The following PPM1B variants were observed in gnomAD, a reference collection of about 807,000 sequenced individuals.
The protein encoded by PPM1B is protein phosphatase 1B.
PPM1B carries 22 observed loss-of-function variants against 43.0 expected under a neutral mutation model. The observed-to-expected ratio is 0.51, with a 90% CI of 0.37 to 0.73. The LOEUF (loss-of-function observed/expected upper bound fraction) is 0.73, where lower values mean the gene tolerates loss of function less well. Ranked by LOEUF, PPM1B falls within the 30% of genes least tolerant of loss-of-function variation. The pLI, the probability that PPM1B is intolerant of heterozygous loss-of-function variation, is 0.00. For synonymous variants in PPM1B, 217 were observed against 197.9 expected (o/e 1.10, Z -0.81); for missense variants, 632 against 584.2 (o/e 1.08, Z -0.84).
At chr2:44,207,438 A>G in intron 2 of PPM1B, among the ~76,000 whole-genome samples, 1 of 152,340 alleles carries the variant, frequency 6.6e-6, no homozygotes, top group Middle Eastern at 3.4e-3. Flanking sequence ...GTTTGAAAAA[A>G]ATCGTTATTC....
chr2:44,190,920 T>C (rs1466170674), intron 1 of PPM1B, among the ~76,000 whole-genome samples: 1 of 152,250 alleles, frequency 6.6e-6, no homozygotes, highest in Non-Finnish European at 1.5e-5. Context: ...TATCAGTGTG[T>C]GCAGCTTATT....
At chr2:44,213,276 C>G (rs1029060711) in intron 3 of PPM1B, among the ~76,000 whole-genome samples, 1 of 150,920 alleles carries the variant, frequency 6.6e-6, no homozygotes, top group African/African-American at 2.4e-5. Context: ...GATATCATAC[C>G]AAGCTCTTCC....
chr2:44,202,912 G>T (rs1669006470), intron 2 of PPM1B, among the ~76,000 whole-genome samples: 1 of 152,082 alleles, frequency 6.6e-6, no homozygotes, highest in Admixed American at 6.6e-5. Context: ...TGAGTTATCT[G>T]GCCAGTGTCT....
At chr2:44,215,772 A>G (rs946558071) in intron 3 of PPM1B, among the ~76,000 whole-genome samples, 1 of 152,260 alleles carries the variant, frequency 6.6e-6, no homozygotes, top group Non-Finnish European at 1.5e-5. Flanking sequence ...AAGAAATCTC[A>G]TAGAATTTGT....
At chr2:44,193,575 CTTTTTTTTT>C (rs575288322) in intron 1 of PPM1B, among the ~76,000 whole-genome samples, 2 of 116,722 alleles carry the variant, frequency 1.7e-5, no homozygotes, top group Non-Finnish European at 3.5e-5. Flanking sequence ...AATTTTTTTT[CTTTTTTTTT>C]TTTTTTTTTT....
At chr2:44,213,639 C>T (rs1329471381) in intron 3 of PPM1B, 1 of 151,966 alleles carries the variant, frequency 6.6e-6, no homozygotes, top group East Asian at 1.9e-4. Context: ...AAACAATGTG[C>T]TTAAAGTTTT....
intron 1 of PPM1B, among the ~76,000 whole-genome samples, chr2:44,197,358 A>G (rs1362927963): frequency 1.3e-5 from 2 of 152,186 alleles, no homozygotes; most frequent in Non-Finnish European, 2.9e-5. Flanking sequence ...GGCCCAAGTG[A>G]TTCTCCTACC....
intron 1 of PPM1B, among the ~76,000 whole-genome samples, chr2:44,173,056 C>A (rs1667423404): frequency 6.6e-6 from 1 of 152,190 alleles, no homozygotes; most frequent in Non-Finnish European, 1.5e-5. Context: ...GGCTCACGCC[C>A]ATAATCCCAG....
chr2:44,175,650 C>T (rs1443331604), intron 1 of PPM1B, among the ~76,000 whole-genome samples: 1 of 152,018 alleles, frequency 6.6e-6, no homozygotes, highest in Non-Finnish European at 1.5e-5. Context: ...GTACACTAAA[C>T]TTAAAAGCTG....
chr2:44,173,758 C>T (rs577064683), intron 1 of PPM1B, among the ~76,000 whole-genome samples: 2 of 152,252 alleles, frequency 1.3e-5, no homozygotes, highest in East Asian at 1.9e-4. Context: ...GCCTGGCCAA[C>T]ATGATGAAAC....
downstream of PPM1B, chr2:44,233,061 T>G (rs1670514220): frequency 1.3e-5 from 13 of 982,120 alleles, no homozygotes; most frequent in Non-Finnish European, 1.6e-5. Context: ...TTATGGCTAT[T>G]TATAATTTGC....
intron 3 of PPM1B, among the ~76,000 whole-genome samples, chr2:44,217,478 T>G (rs1035749200): frequency 1.3e-5 from 2 of 152,150 alleles, no homozygotes; most frequent in African/African-American, 4.8e-5. Context: ...ATTTCTCCCC[T>G]TTTTCTTATA....
chr2:44,191,469 C>T (rs931162056), intron 1 of PPM1B, among the ~76,000 whole-genome samples: 36 of 152,344 alleles, frequency 2.4e-4, no homozygotes, highest in South Asian at 1.9e-3. Flanking sequence ...CTGCCTCAGC[C>T]TCCCAAAGTG....
chr2:44,171,655 C>G (rs1667351246), intron 1 of PPM1B, among the ~76,000 whole-genome samples: 1 of 151,542 alleles, frequency 6.6e-6, no homozygotes. Context: ...CATGGTGAAA[C>G]ACCATCTCTA....
chr2:44,195,771 T>C (rs1055640841), intron 1 of PPM1B, among the ~76,000 whole-genome samples: 6 of 152,202 alleles, frequency 3.9e-5, no homozygotes, highest in African/African-American at 1.2e-4. Flanking sequence ...GAACAAGACT[T>C]AGTGACTTTC....
chr2:44,191,358 T>C (rs967599549), intron 1 of PPM1B, among the ~76,000 whole-genome samples: 2 of 151,864 alleles, frequency 1.3e-5, no homozygotes, highest in African/African-American at 2.4e-5. Context: ...AGATTACAGG[T>C]GCCCGCCACT....
Position 44,230,864 on chromosome 2 carries a change from T to C in PPM1B, c.*146T>C. On this transcript the variant is annotated 3_prime_UTR_variant, in exon 6 of 6. Coordinates refer to ENST00000282412, the MANE Select transcript of PPM1B (RefSeq NM_002706.6). The stretch of plus-strand genomic sequence containing the variant: ...GATAGCCTTGTTTTTTAAAAAGGCC[T>C]TTGCATACACCTTTATGAGATAGTG... The C allele has an allele frequency of 1.4e-6, 2 of 1,413,450 alleles. No homozygotes were observed. 87.6% of individuals were successfully genotyped at this position (1,413,450 alleles called of 1,614,324 possible).
downstream of PPM1B, chr2:44,233,039 A>G: frequency 1.0e-6 from 1 of 983,164 alleles, no homozygotes; most frequent in Non-Finnish European, 1.2e-6. Flanking sequence ...TTTTGAAACC[A>G]AATGGATTAA....
At chr2:44,230,193 A>G (rs1255000782) in intron 5 of PPM1B, 5 of 1,420,248 alleles carry the variant, frequency 3.5e-6, no homozygotes, top group Non-Finnish European at 3.7e-6. Context: ...GAAATAAGAC[A>G]TAAACTAGTT....
Sources: allele counts gnomAD v4.1 joint callset (sites outside exome capture counted in the v4.1 genomes callset), GRCh38; gene constraint gnomAD v4.1.1; transcripts MANE v1.5; gene names NCBI Gene and HGNC (gene_info 2026-07-23, HGNC 2026-07-21).